SALL1: variants seen among roughly 807,000 people sequenced by gnomAD.
SALL1 encodes spalt like transcription factor 1, also known as sal-like protein 1.
A neutral mutation model predicts 73.1 loss-of-function variants in SALL1; 10 were observed. The ratio of observed to expected loss-of-function variants is 0.14; its 90% confidence interval spans 0.08 to 0.23. The LOEUF is 0.23. Ranked by LOEUF, SALL1 falls within the 10% of genes least tolerant of loss-of-function variation. The pLI, the probability that SALL1 is intolerant of heterozygous loss-of-function variation, is 1.00. For synonymous variants in SALL1, 688 were observed against 689.8 expected (o/e 1.00, Z 0.04); for missense variants, 1,520 against 1,697.3 (o/e 0.90, Z 1.84).
chr16:51,142,705 G>A (rs960569031), intron 1 of SALL1, among the ~76,000 whole-genome samples: 3 of 152,110 alleles, frequency 2.0e-5, no homozygotes, highest in Admixed American at 2.0e-4. Flanking sequence ...TCGAACCTGC[G>A]CTAAGTCTGA....
chr16:51,147,097 G>A (rs906691522), intron 1 of SALL1, among the ~76,000 whole-genome samples: 1 of 152,130 alleles, frequency 6.6e-6, no homozygotes, highest in Non-Finnish European at 1.5e-5. Context: ...AGGTTCTGTT[G>A]GTAAAGACAA....
intron 1 of SALL1, among the ~76,000 whole-genome samples, chr16:51,145,978 T>C (rs1192183763): frequency 8.2e-6 from 1 of 122,420 alleles, no homozygotes; most frequent in Non-Finnish European, 1.6e-5. Context: ...GATTGATTGG[T>C]CTTTTTTTTT....
rs1327544170 is a variant in SALL1, at chr16:51,139,352, G to C, written c.2870C>G (p.Ala957Gly). The change falls in exon 2 of 3, where the codon GCC becomes GGC. Residue 957 changes from alanine to glycine, a missense_variant. By Grantham distance (60) the Ala-to-Gly change is moderately conservative (BLOSUM62 0). This residue lies in a region of SALL1 where 266 missense variants were observed against 275.1 expected (regional missense o/e 0.97). Transcript: ENST00000251020. ...CACTGGGGTGGGAGACAAACCATTG[G>C]CAAACTCGCTTGGGACCGCTCTCTG... ...KPQRAVPSEF[A>G]NGLSPTPVNG... is the part of the protein sequence containing the mutation. The C allele has an allele frequency of 1.2e-6, 2 of 1,614,142 alleles. No homozygotes were observed. Among genetic ancestry groups the C allele is most frequent in the Admixed American group, 3.3e-5 (2 of 60,032 alleles).
In SALL1 at chr16:51,139,301, G is replaced by A. The variant is rs746684817; in HGVS notation, c.2921C>T (p.Ser974Phe). Reference sequence around the variant, plus strand: ...TTTGATGATTTTCTCTGCGTGACTAGATGTCAAATCCAAAGCCCCACCATT... The same window carrying A: ...TTTGATGATTTTCTCTGCGTGACTAAATGTCAAATCCAAAGCCCCACCATT... ...PVNGGALDLT[S>F]SHAEKIIKED... Residue 974 changes from serine (S) to phenylalanine (F), a missense_variant, in exon 2 of 3, where the codon TCT becomes TTT. By Grantham distance (155) the Ser-to-Phe change is radical. Around this residue, in one of 7 missense-constraint regions of SALL1, gnomAD observed 266 missense variants for 275.1 expected, o/e 0.97. Transcript: ENST00000251020. 1.2e-6 allele frequency: 2 copies of A among 1,614,144 alleles called. No homozygotes were observed. Among genetic ancestry groups the A allele is most frequent in the Non-Finnish European group, 1.7e-6 (2 of 1,180,040 alleles).
chr16:51,137,057 A>C lies in SALL1; in HGVS notation c.*55T>G. The C allele has an allele frequency of 6.3e-7, 1 of 1,576,500 alleles. No homozygotes were observed. The highest frequency in any genetic ancestry group is 8.7e-7 in the Non-Finnish European group (1 of 1,149,300). On this transcript the variant is annotated 3_prime_UTR_variant, in exon 3 of 3. Transcript: ENST00000251020. ...GGTGGGGGGCAAGGAGTAGGAGGCCACCATAGGTCGCATTCTGAACAGGAA... is the reference window on the plus strand; with the variant it reads ...GGTGGGGGGCAAGGAGTAGGAGGCCCCCATAGGTCGCATTCTGAACAGGAA...
intron 1 of SALL1, among the ~76,000 whole-genome samples, chr16:51,148,249 G>A (rs1026828452): frequency 6.6e-6 from 1 of 152,200 alleles, no homozygotes; most frequent in Non-Finnish European, 1.5e-5. Context: ...ACACAGGCAG[G>A]ACACACAACA....
At chr16:51,138,636 G>A (rs764925811) in intron 2 of SALL1, 52 bp downstream of exon 2, 2 of 1,572,340 alleles carry the variant, frequency 1.3e-6, no homozygotes, top group Non-Finnish European at 1.7e-6. Context: ...GATAATCAAT[G>A]GCAGTGGGAC....
At chr16:51,142,952 G>A (rs1381699080) in intron 1 of SALL1, among the ~76,000 whole-genome samples, 1 of 152,118 alleles carries the variant, frequency 6.6e-6, no homozygotes, top group Non-Finnish European at 1.5e-5. Context: ...ACCATGCTCC[G>A]AATGGCAACA....
intron 1 of SALL1, among the ~76,000 whole-genome samples, chr16:51,149,029 AAAG>A (rs1267890228): frequency 6.6e-5 from 10 of 152,296 alleles, no homozygotes; most frequent in South Asian, 2.1e-4. Flanking sequence ...AAAGAAATCA[AAAG>A]AAGGAGAGAA....
intron 1 of SALL1, among the ~76,000 whole-genome samples, chr16:51,144,550 C>T (rs945535984): frequency 2.0e-5 from 3 of 152,162 alleles, no homozygotes; most frequent in African/African-American, 7.2e-5. Flanking sequence ...GTACACATTA[C>T]AATGTAGTTG....
chr16:51,151,859 G>T (rs533490973), upstream of SALL1, among the ~76,000 whole-genome samples: 37 of 151,540 alleles, frequency 2.4e-4, 1 homozygote, highest in South Asian at 6.9e-3. Context: ...CCGGGCTGCC[G>T]GCGCGCTGCG....
chr16:51,137,334 C>T lies in SALL1; in HGVS notation c.3753G>A (p.Glu1251=), dbSNP rs937264847. ...LSNGLAMKAN[E]ISVIQNGGIP... is the part of the protein sequence containing the mutation. ...TGCCACCGTTCTGAATGACGGAGAT[C>T]TCGTTGGCCTTCATCGCCAGCCCGT... The change falls in exon 3 of 3, where the codon GAG becomes GAA. Residue 1251 remains glutamate (E), a synonymous_variant. Transcript: ENST00000251020. The T allele has an allele frequency of 1.2e-6, 2 of 1,614,138 alleles. No individual in the cohort carries two copies.
At chr16:51,138,364 A>AAGCT (rs1054055765) in intron 2 of SALL1, among the ~76,000 whole-genome samples, 2 of 2,966 alleles carry the variant, frequency 6.7e-4, no homozygotes, top group Non-Finnish European at 6.2e-3. Flanking sequence ...TGGCAACGCT[A>AAGCT]GGCTTTCTTG....
Position 51,140,900 on chromosome 16 carries a change from G to T in SALL1, c.1322C>A (p.Thr441Asn), listed in dbSNP as rs76275412. 5.3e-4 allele frequency: 857 copies of T among 1,614,240 alleles called. No homozygotes were observed. Among genetic ancestry groups the T allele is most frequent in the Non-Finnish European group, 6.5e-4 (770 of 1,180,052 alleles). The change falls in exon 2 of 3, where the codon ACT becomes AAT. Residue 441 changes from threonine (T) to asparagine (N), a missense_variant. Around this residue, in one of 7 missense-constraint regions of SALL1, gnomAD observed 540 missense variants for 567.5 expected, o/e 0.95. Transcript: ENST00000251020. This position sits in a 1 kb window ranked among gnomAD's most constrained non-coding sequence, Gnocchi z 5.7. The stretch of plus-strand genomic sequence containing the variant: ...GTGTTTGAAGAATGCCTCATCGGAA[G>T]TACTTTTCGCTTCAAAGGCAGTGAC... The part of the protein sequence containing the change: ...PNVTAFEAKS[T>N]SDEAFFKHKC...
Position 51,137,483 on chromosome 16 carries a change from G to C in SALL1, c.3604C>G (p.Pro1202Ala). 1 of 1,614,032 alleles carries C rather than the reference G, an allele frequency of 6.2e-7. No homozygotes were observed. Among genetic ancestry groups the C allele is most frequent in the South Asian group, 1.1e-5 (1 of 91,060 alleles). Reference protein sequence around the residue: ...RRGRRLSVDGPMTFLGGNPVK... With the variant: ...RRGRRLSVDGAMTFLGGNPVK... ...GGATTGCCTCCTAGAAATGTCATGGGGCCATCCACAGAGAGCCGCCGACCC... is the reference window on the plus strand; with the variant it reads ...GGATTGCCTCCTAGAAATGTCATGGCGCCATCCACAGAGAGCCGCCGACCC... Residue 1202 changes from proline to alanine, a missense_variant, in exon 3 of 3, where the codon CCC becomes GCC. Physicochemically the swap from Pro to Ala is conservative, Grantham distance 27. Transcript: ENST00000251020.
rs553871743 is a variant in SALL1, at chr16:51,141,798, C to G, written c.424G>C (p.Gly142Arg). The part of the protein sequence containing the change: ...ANKSGSGTSS[G>R]SHSSTAPSSS... ...CTTGGGGCGGTACTGCTGTGGCTGC[C>G]GCTGGAAGTGCCGCTGCCGCTTTTG... Residue 142 changes from glycine to arginine, a missense_variant, in exon 2 of 3, where the codon GGC becomes CGC. Transcript: ENST00000251020. The surrounding 1 kb of genome is among the most constrained non-coding windows in gnomAD (Gnocchi z 5.4). The G allele has an allele frequency of 3.1e-6, 5 of 1,613,654 alleles. No individual in the cohort carries two copies. In the African/African-American group the frequency reaches 5.3e-5, roughly 17 times the overall value.
rs1366477761 is a variant in SALL1 at position 51,140,097 on chromosome 16, T to C, written c.2125A>G (p.Ile709Val). 2 of 1,614,066 alleles carry C rather than the reference T, an allele frequency of 1.2e-6. No individual in the cohort carries two copies. Among genetic ancestry groups the C allele is most frequent in the South Asian group, 1.1e-5 (1 of 91,078 alleles). Reference protein sequence around the residue: ...DKKATDPNECIICHRVLSCQS... With the variant: ...DKKATDPNECVICHRVLSCQS... The stretch of plus-strand genomic sequence containing the variant: ...CAGCTGAGAACCCGGTGGCAGATGA[T>C]GCACTCATTGGGGTCAGTGGCCTTC... Residue 709 changes from isoleucine to valine, a missense_variant, in exon 2 of 3, where the codon ATC becomes GTC. By Grantham distance (29) the Ile-to-Val change is conservative (BLOSUM62 3). Transcript: ENST00000251020. The surrounding 1 kb of genome is among the most constrained non-coding windows in gnomAD (Gnocchi z 5.7).
At chr16:51,146,479 C>T (rs1440360100) in intron 1 of SALL1, among the ~76,000 whole-genome samples, 1 of 152,152 alleles carries the variant, frequency 6.6e-6, no homozygotes, top group Non-Finnish European at 1.5e-5. Context: ...ACTACATAAA[C>T]ATTGGCAAAG....
upstream of SALL1, among the ~76,000 whole-genome samples, chr16:51,151,740 C>T (rs1567319959): frequency 6.7e-6 from 1 of 148,678 alleles, no homozygotes; most frequent in African/African-American, 2.6e-5. Flanking sequence ...TCCCTCCCTC[C>T]TTCGCCCCCC....
Sources: allele counts gnomAD v4.1 joint callset (sites outside exome capture counted in the v4.1 genomes callset), GRCh38; gene constraint gnomAD v4.1.1; regional missense constraint gnomAD v4.1.1; non-coding constraint Gnocchi (gnomAD v3.1); transcripts MANE v1.5; gene names NCBI Gene and HGNC (gene_info 2026-07-23, HGNC 2026-07-21).